The following TCHP variants were observed in gnomAD, a reference collection of about 807,000 sequenced individuals.
The protein encoded by TCHP is trichoplein keratin filament binding, also known as trichoplein keratin filament-binding protein.
TCHP carries 81 observed loss-of-function variants against 88.7 expected under a neutral mutation model. The observed-to-expected ratio is 0.91, with a 90% CI of 0.76 to 1.10. The LOEUF (loss-of-function observed/expected upper bound fraction) is 1.10. Among genes scored for constraint, TCHP ranks in the 50% least tolerant of loss-of-function variants. TCHP has a pLI of 0.00. For missense variants in TCHP, 641 were observed against 632.1 expected (o/e 1.01, Z -0.15); for synonymous variants, 232 against 232.5 (o/e 1.00, Z 0.02).
At chr12:109,910,977 GA>G in intron 8 of TCHP, 85 bp from the exon 9 acceptor site, 1 of 1,419,706 alleles carries the variant, frequency 7.0e-7, no homozygotes. Context: ...ATGTAGAAAG[GA>G]AAGGGAGGGC....
chr12:109,891,012 A>ACGAGTC, the TCHP span, among the ~76,000 whole-genome samples: 1 of 152,238 alleles, frequency 6.6e-6, no homozygotes, highest in African/African-American at 2.4e-5. Context: ...CTGGCAGCTA[A>ACGAGTC]CGAGTCCGGG....
At chr12:109,914,704 G>A (rs7312132) in intron 11 of TCHP, 77 bp downstream of exon 11, 12 of 1,303,240 alleles carry the variant, frequency 9.2e-6, no homozygotes, top group Admixed American at 6.9e-5. Flanking sequence ...GTTCAGAGCC[G>A]CTGGACTGCC....
intron 1 of TCHP, among the ~76,000 whole-genome samples, chr12:109,902,603 A>T (rs752659282): frequency 5.3e-5 from 8 of 152,086 alleles, no homozygotes; most frequent in Non-Finnish European, 8.8e-5. Context: ...CCTCCCAAGG[A>T]GCTGGGATTA....
chr12:109,898,391 G>A (rs577939374), upstream of TCHP, among the ~76,000 whole-genome samples: 66 of 152,210 alleles, frequency 4.3e-4, no homozygotes, highest in African/African-American at 1.6e-3. Flanking sequence ...TATATTTTTA[G>A]TAGAGACGGG....
chr12:109,881,438 A>T, the TCHP span, among the ~76,000 whole-genome samples: 1 of 152,184 alleles, frequency 6.6e-6, no homozygotes, highest in Non-Finnish European at 1.5e-5. Context: ...CTGTGACTTC[A>T]CTTCATTCTC....
At chr12:109,901,570 A>T (rs186195327) in intron 1 of TCHP, among the ~76,000 whole-genome samples, 3 of 152,322 alleles carry the variant, frequency 2.0e-5, no homozygotes, top group Admixed American at 2.0e-4. Context: ...AGTTCCCAGG[A>T]TTTTGCTCAA....
chr12:109,902,387 C>A (rs1869850900), intron 1 of TCHP, among the ~76,000 whole-genome samples: 1 of 152,016 alleles, frequency 6.6e-6, no homozygotes. Flanking sequence ...TCTCCAACTC[C>A]CGGCCTCAAG....
chr12:109,893,380 C>CAAA, the TCHP span, among the ~76,000 whole-genome samples: 3 of 119,926 alleles, frequency 2.5e-5, no homozygotes, highest in South Asian at 2.7e-4. Context: ...AACTCCTTCT[C>CAAA]AAAAAAAAAA....
chr12:109,907,788 C>A, intron 6 of TCHP, 89 bp downstream of exon 6: 1 of 1,410,404 alleles, frequency 7.1e-7, no homozygotes, highest in Non-Finnish European at 9.6e-7. Flanking sequence ...TAAGAAGAGG[C>A]CATAGCAGGG....
Position 109,915,579 on chromosome 12 carries a change from G to T in TCHP, c.1464+33G>T, listed in dbSNP as rs200221958. The T allele has an allele frequency of 2.0e-5, 31 of 1,584,904 alleles. No individual in the cohort carries two copies. The East Asian group carries it at 7.0e-4, about 36-fold the overall frequency. On this transcript the variant is annotated intron_variant, in intron 12 of 12. Coordinates refer to ENST00000405876, the MANE Select transcript of TCHP (RefSeq NM_001143852.2). Reference sequence around the variant, plus strand: ...GTCTGCCAGGATATAGGCCAACACCGGCAAGACAGACTCTGCCCGGCCCCT... The same window carrying T: ...GTCTGCCAGGATATAGGCCAACACCTGCAAGACAGACTCTGCCCGGCCCCT...
the TCHP span, among the ~76,000 whole-genome samples, chr12:109,891,014 G>A: frequency 1.3e-5 from 2 of 152,210 alleles, no homozygotes; most frequent in Admixed American, 6.5e-5. Context: ...GGCAGCTAAC[G>A]AGTCCGGGTA....
the TCHP span, among the ~76,000 whole-genome samples, chr12:109,887,577 T>C: frequency 6.6e-6 from 1 of 151,954 alleles, no homozygotes; most frequent in African/African-American, 2.4e-5. Context: ...ATTTGATCAA[T>C]CCCCCATAGG....
the TCHP span, among the ~76,000 whole-genome samples, chr12:109,891,390 CTTT>C: frequency 3.6e-5 from 5 of 139,488 alleles, no homozygotes; most frequent in African/African-American, 2.7e-5. Context: ...TTAATATTTC[CTTT>C]TTTTTTTTTT....
chr12:109,895,632 G>A (rs945302287), upstream of TCHP, among the ~76,000 whole-genome samples: 1 of 152,144 alleles, frequency 6.6e-6, no homozygotes, highest in African/African-American at 2.4e-5. Flanking sequence ...GTGGGGTGGG[G>A]TGTGAAGCAA....
intron 1 of TCHP, chr12:109,900,782 T>TG (rs897688112): frequency 6.6e-6 from 1 of 152,242 alleles, no homozygotes; most frequent in African/African-American, 2.4e-5. Flanking sequence ...GTTAGCAGCC[T>TG]GCCGGCTACA....
chr12:109,884,334 G>A, the TCHP span, among the ~76,000 whole-genome samples: 5 of 151,596 alleles, frequency 3.3e-5, no homozygotes, highest in East Asian at 1.9e-4. Flanking sequence ...GACTACAGGC[G>A]CCCGCCACCA....
At chr12:109,897,789 C>T (rs1869602105), upstream of TCHP, among the ~76,000 whole-genome samples, 1 of 152,082 alleles carries the variant, frequency 6.6e-6, no homozygotes, top group African/African-American at 2.4e-5. Flanking sequence ...AACTCCTGAC[C>T]TCAAATGATC....
Position 109,915,391 on chromosome 12 carries a change from C to T in TCHP, c.1321-12C>T, listed in dbSNP as rs1197944775. 1.2e-6 allele frequency: 2 copies of T among 1,614,132 alleles called. No individual in the cohort carries two copies. Among genetic ancestry groups the T allele is most frequent in the South Asian group, 1.1e-5 (1 of 91,070 alleles). The stretch of plus-strand genomic sequence containing the variant: ...CTTGTCTTGGGGTGGTGACTTTGCT[C>T]TTGGCACTCAGGTTGCAGAGCGCCG... On this transcript the variant is annotated splice_polypyrimidine_tract_variant and intron_variant, in intron 11 of 12. Transcript: ENST00000405876.
chr12:109,886,696 A>AT, the TCHP span, among the ~76,000 whole-genome samples: 2 of 151,096 alleles, frequency 1.3e-5, no homozygotes, highest in African/African-American at 4.9e-5. Flanking sequence ...TTTTTGGGAG[A>AT]TTTTTTTGTT....
Sources: gnomAD v4.1 joint callset for allele counts (sites outside exome capture counted in the v4.1 genomes callset) on GRCh38, gnomAD v4.1.1 for gene constraint, MANE v1.5 for transcripts, NCBI Gene and HGNC (gene_info 2026-07-23, HGNC 2026-07-21) for gene names.